TRAK2: variants seen among roughly 807,000 people sequenced by gnomAD.
TRAK2 encodes trafficking kinesin protein 2.
TRAK2 carries 81 observed loss-of-function variants against 104.6 expected under a neutral mutation model. The ratio of observed to expected loss-of-function variants is 0.77; its 90% confidence interval spans 0.65 to 0.93. TRAK2 has a LOEUF of 0.93. Ranked by LOEUF, TRAK2 falls within the 40% of genes least tolerant of loss-of-function variation. The probability of loss-of-function intolerance (pLI) is 0.00; values close to 1 mark genes in which losing one functional copy is unlikely to be tolerated. For missense variants in TRAK2, 1,002 were observed against 1,089.0 expected (o/e 0.92, Z 1.12); for synonymous variants, 406 against 394.4 (o/e 1.03, Z -0.35).
intron 14 of TRAK2, 121 bp downstream of exon 14, chr2:201,386,097 T>G (rs1559436945): frequency 3.8e-6 from 4 of 1,053,124 alleles, no homozygotes; most frequent in Non-Finnish European, 5.6e-6. Flanking sequence ...AGATTTTCAT[T>G]ATCTGATATG....
At position 201,377,874 on chromosome 2, in the gene TRAK2, A is replaced by G. The variant is rs1951302672; in HGVS notation, c.*2669T>C. ...AGGTATAATCACTGAAAACCTTCTT[A>G]AAGGCGAAAAAAAAAAAAGATTGAG... On this transcript the variant is annotated 3_prime_UTR_variant, in exon 16 of 16. Transcript: ENST00000332624. 6.6e-6 allele frequency: 1 copy of G among 150,470 alleles called. No individual in the cohort carries two copies. The highest frequency in any genetic ancestry group is 1.5e-5 in the Non-Finnish European group (1 of 67,462). 9.3% of individuals were successfully genotyped at this position (150,470 alleles called of 1,614,324 possible). A position where few individuals can be genotyped will look rare whatever the true frequency, so the allele number is the denominator to read the frequency against.
At chr2:201,443,907 A>T (rs982316022) in intron 1 of TRAK2, among the ~76,000 whole-genome samples, 4 of 152,014 alleles carry the variant, frequency 2.6e-5, no homozygotes, top group Non-Finnish European at 5.9e-5. Context: ...ACTCCTTCTT[A>T]AAAAAAATCC....
chr2:201,386,209 T>C lies in TRAK2; in HGVS notation c.1963+9A>G. 35 of 1,613,920 alleles carry C rather than the reference T, an allele frequency of 2.2e-5. No individual in the cohort carries two copies. Among genetic ancestry groups the C allele is most frequent in the Non-Finnish European group, 3.0e-5 (35 of 1,179,834 alleles). ...TATTATACCATATTCAACCAGACAC[T>C]CTTCTCACCTGTAACTGGTCCACCT... On this transcript the variant is annotated intron_variant, in intron 14 of 15. Coordinates refer to ENST00000332624, the MANE Select transcript of TRAK2 (RefSeq NM_015049.3).
chr2:201,380,334 T>G lies in TRAK2; in HGVS notation c.*209A>C. The G allele has an allele frequency of 3.3e-6, 2 of 606,776 alleles. No individual in the cohort carries two copies. The highest frequency in any genetic ancestry group is 5.8e-6 in the Non-Finnish European group (2 of 344,130). The allele number at this position is 606,776 out of a possible 1,614,324, so 37.6% of individuals were successfully genotyped here. A position where few individuals can be genotyped will look rare whatever the true frequency, so the allele number is the denominator to read the frequency against. On this transcript the variant is annotated 3_prime_UTR_variant, in exon 16 of 16. Coordinates refer to ENST00000332624, the MANE Select transcript of TRAK2 (RefSeq NM_015049.3). ...ACCTTTCTTTTCTCCCTCTGAACACTCATGGCCCATTCATTTATACTTTCA... is the reference window on the plus strand; with the variant it reads ...ACCTTTCTTTTCTCCCTCTGAACACGCATGGCCCATTCATTTATACTTTCA...
chr2:201,395,733 A>G (rs1384546018), intron 7 of TRAK2, among the ~76,000 whole-genome samples: 2 of 152,218 alleles, frequency 1.3e-5, no homozygotes, highest in African/African-American at 2.4e-5. Context: ...TATGAAAACG[A>G]TATTTGCTCA....
chr2:201,412,959 T>C, intron 2 of TRAK2: 1 of 772,340 alleles, frequency 1.3e-6, no homozygotes, highest in Non-Finnish European at 2.4e-6. Context: ...ACTGGTTCTG[T>C]ACACAACACC....
At chr2:201,415,984 T>C (rs957753474) in intron 2 of TRAK2, among the ~76,000 whole-genome samples, 1 of 152,064 alleles carries the variant, frequency 6.6e-6, no homozygotes, top group African/African-American at 2.4e-5. Flanking sequence ...TTTCATTCAC[T>C]TGAAATGAAA....
chr2:201,410,535 A>G, intron 2 of TRAK2: 3 of 1,098,036 alleles, frequency 2.7e-6, no homozygotes, highest in Non-Finnish European at 4.1e-6. Context: ...ATCCTTCAAA[A>G]TAGACACCTC....
chr2:201,380,310 C>T lies in TRAK2; in HGVS notation c.*233G>A, dbSNP rs188101786. 2.8e-4 allele frequency: 154 copies of T among 555,804 alleles called. No individual in the cohort carries two copies. Among genetic ancestry groups the T allele is most frequent in the African/African-American group, 2.6e-3 (140 of 53,210 alleles). The allele number at this position is 555,804 out of a possible 1,614,324, so 34.4% of individuals were successfully genotyped here. ...AACTCAACTGAAGGAGTATATTAAA[C>T]CTTTCTTTTCTCCCTCTGAACACTC... On this transcript the variant is annotated 3_prime_UTR_variant, in exon 16 of 16. Coordinates refer to ENST00000332624, the MANE Select transcript of TRAK2 (RefSeq NM_015049.3).
chr2:201,408,275 T>C (rs1372777158), intron 2 of TRAK2, among the ~76,000 whole-genome samples: 2 of 152,246 alleles, frequency 1.3e-5, no homozygotes, highest in East Asian at 1.9e-4. Flanking sequence ...TCTAAATATA[T>C]TGCTTAGTGA....
chr2:201,444,931 AGAGTAT>A (rs1465324854), intron 1 of TRAK2, among the ~76,000 whole-genome samples: 13 of 152,204 alleles, frequency 8.5e-5, no homozygotes, highest in Non-Finnish European at 1.6e-4. Flanking sequence ...GTTACACAAT[AGAGTAT>A]AACACTCTTA....
At chr2:201,381,326 A>G in intron 15 of TRAK2, 108 bp from the exon 16 acceptor site, 1 of 1,031,784 alleles carries the variant, frequency 9.7e-7, no homozygotes, top group African/African-American at 1.6e-5. Flanking sequence ...ATATAAAGTA[A>G]CAGGCAACAA....
Position 201,392,891 on chromosome 2 carries a change from T to A in TRAK2, c.1113+18A>T, listed in dbSNP as rs766792158. The A allele has an allele frequency of 1.9e-6, 3 of 1,603,998 alleles. No individual in the cohort carries two copies. The highest frequency in any genetic ancestry group is 2.6e-6 in the Non-Finnish European group (3 of 1,175,798). The stretch of plus-strand genomic sequence containing the variant: ...AACAAATTTCTTTAAATACATAGCA[T>A]CTTTCTTAGTTGCTTACCCCAGTAA... On this transcript the variant is annotated intron_variant, in intron 10 of 15. Transcript: ENST00000332624.
Position 201,401,099 on chromosome 2 carries a change from T to A in TRAK2, c.287-5A>T. On this transcript the variant is annotated splice_polypyrimidine_tract_variant and splice_region_variant and intron_variant, in intron 3 of 15. Coordinates refer to ENST00000332624, the MANE Select transcript of TRAK2 (RefSeq NM_015049.3). ...CCACCCTGTCTGTGCCTAGAACTAA[T>A]ATAGTTAAAAACAACTATTTATAGG... is the stretch of plus-strand genomic sequence containing the variant. 6.3e-7 allele frequency: 1 copy of A among 1,594,224 alleles called. No homozygotes were observed. The highest frequency in any genetic ancestry group is 1.1e-5 in the South Asian group (1 of 87,334).
chr2:201,412,214 C>T, intron 2 of TRAK2: 3 of 954,304 alleles, frequency 3.1e-6, no homozygotes, highest in Admixed American at 1.7e-5. Flanking sequence ...ATTCTCTGTA[C>T]AATGACATGC....
chr2:201,400,981 T>A (rs770065685), intron 4 of TRAK2, 37 bp downstream of exon 4: 1 of 1,532,356 alleles, frequency 6.5e-7, no homozygotes, highest in South Asian at 1.1e-5. Flanking sequence ...CCTCAAGTTT[T>A]ACCTTTTTGT....
rs149307188 is a variant in TRAK2 at position 201,446,431 on chromosome 2, C to T, written c.-200+4919G>A. Among the ~76,000 whole-genome samples, 1,315 of 152,314 alleles carry T rather than the reference C, an allele frequency of 8.6e-3. 54 individuals carry two copies. Among genetic ancestry groups the T allele is most frequent in the Admixed American group, 0.08 (1,221 of 15,294 alleles). On this transcript the variant is annotated intron_variant, in intron 1 of 15. Transcript: ENST00000332624. The stretch of plus-strand genomic sequence containing the variant: ...CCCAACTTGAAGGAGGTATTGCCTC[C>T]GAACACTTTCTGCTCTTCTCTAAAA...
chr2:201,411,894 T>C (rs1373876220), intron 2 of TRAK2: 1 of 1,032,616 alleles, frequency 9.7e-7, no homozygotes, highest in Non-Finnish European at 1.5e-6. Context: ...TCTATAAGAT[T>C]TGCAAAGGTT....
At chr2:201,389,990 G>A in intron 10 of TRAK2, 110 bp from the exon 11 acceptor site, 2 of 744,726 alleles carry the variant, frequency 2.7e-6, no homozygotes, top group Non-Finnish European at 4.3e-6. Context: ...AATAGTCAAG[G>A]CTAACATTCA....
Sources: gnomAD v4.1 joint callset for allele counts (sites outside exome capture counted in the v4.1 genomes callset) on GRCh38, gnomAD v4.1.1 for gene constraint, MANE v1.5 for transcripts, NCBI Gene and HGNC (gene_info 2026-07-23, HGNC 2026-07-21) for gene names.